The following BSN variants were observed in gnomAD, a reference collection of about 807,000 sequenced individuals.
BSN encodes protein bassoon.
BSN carries 57 observed loss-of-function variants against 264.8 expected under a neutral mutation model. That is an observed-to-expected ratio of 0.22 (90% CI 0.17 to 0.27). BSN has a LOEUF of 0.27. BSN is among the 10% of genes least tolerant of loss of function. The probability of loss-of-function intolerance (pLI) is 1.00; values close to 1 mark genes in which losing one functional copy is unlikely to be tolerated. For synonymous variants in BSN, 2,059 were observed against 2,137.3 expected (o/e 0.96, Z 1.01); for missense variants, 4,615 against 5,232.5 (o/e 0.88, Z 3.64).
intron 2 of BSN, among the ~76,000 whole-genome samples, chr3:49,630,435 A>G (rs1241860423): frequency 2.6e-5 from 4 of 152,218 alleles, no homozygotes; most frequent in Non-Finnish European, 4.4e-5. Flanking sequence ...CCAAGTCAAT[A>G]GAGAAATACT....
intron 1 of BSN, among the ~76,000 whole-genome samples, chr3:49,571,269 C>T (rs1482871253): frequency 6.6e-6 from 1 of 152,042 alleles, no homozygotes; most frequent in Non-Finnish European, 1.5e-5. Flanking sequence ...CATCCCACAG[C>T]AAGTCAGGGG....
intron 1 of BSN, among the ~76,000 whole-genome samples, chr3:49,620,001 G>A (rs2052292043): frequency 6.6e-6 from 1 of 152,042 alleles, no homozygotes; most frequent in African/African-American, 2.4e-5. Flanking sequence ...TTAATGCAGG[G>A]ATCCCAAAGG....
Position 49,652,159 on chromosome 3 carries a change from G to T in BSN, c.2603G>T (p.Gly868Val). The T allele has an allele frequency of 6.2e-7, 1 of 1,614,032 alleles. No individual in the cohort carries two copies. Among genetic ancestry groups the T allele is most frequent in the Non-Finnish European group, 8.5e-7 (1 of 1,179,954 alleles). The change falls in exon 5 of 12, where the codon GGC becomes GTC. Residue 868 changes from glycine to valine, a missense_variant. Transcript: ENST00000296452. ...GATGACACTGCCACCTCCGGGCGTG[G>T]CCTGGCCAAACATGGCACCCAGAAA... The part of the protein sequence containing the change: ...EEDDTATSGR[G>V]LAKHGTQKGG...
rs755190358 is a variant in BSN at position 49,656,544 on chromosome 3, C to T, written c.6988C>T (p.Pro2330Ser). 1 of 1,566,770 alleles carries T rather than the reference C, an allele frequency of 6.4e-7. No individual in the cohort carries two copies. The highest frequency in any genetic ancestry group is 2.3e-5 in the East Asian group (1 of 44,200). ...GGCTGCAGGAGCCCCAGCTCCTGCC[C>T]CACTAGCTGGCCAGAAGCCACCAGC... is the stretch of plus-strand genomic sequence containing the variant. ...KEAAGAPAPA[P>S]LAGQKPPADA... Residue 2330 changes from proline to serine, a missense_variant, in exon 5 of 12, where the codon CCA becomes TCA. Physicochemically the swap from Pro to Ser is moderately conservative, Grantham distance 74 (BLOSUM62 -1). This residue lies in a region of BSN where 3,415 missense variants were observed against 3,866.4 expected (regional missense o/e 0.88). Coordinates refer to ENST00000296452, the MANE Select transcript of BSN (RefSeq NM_003458.4).
At chr3:49,621,185 T>C (rs1056091648) in intron 1 of BSN, among the ~76,000 whole-genome samples, 4 of 152,172 alleles carry the variant, frequency 2.6e-5, no homozygotes, top group African/African-American at 9.7e-5. Context: ...AGGGCATCTC[T>C]GTGAAGATGT....
At chr3:49,605,580 T>TTTATATATAATATATATTATATATTA (rs2052120458) in intron 1 of BSN, among the ~76,000 whole-genome samples, 56 of 1,392 alleles carry the variant, frequency 0.04, 15 homozygotes, top group South Asian at 0.33. Flanking sequence ...ATTATATATA[T>TTTATATATAATATATATTATATATTA]TATATATTTA....
chr3:49,601,489 T>C (rs1293330043), intron 1 of BSN, among the ~76,000 whole-genome samples: 1 of 152,176 alleles, frequency 6.6e-6, no homozygotes, highest in Non-Finnish European at 1.5e-5. Context: ...TTCTTTGAGG[T>C]TCGTCTTCTG....
rs764691704 is a variant in BSN, at chr3:49,663,252, G to A, written c.11094G>A (p.Gly3698=). The change falls in exon 7 of 12, where the codon GGG becomes GGA. Residue 3698 remains glycine (G), a synonymous_variant. Transcript: ENST00000296452. ...APAMPKKGQP[G]YPSSAEYSQP... is the part of the protein sequence containing the mutation. ...CTATGCCGAAGAAGGGTCAGCCTGG[G>A]TATCCCAGCTCTGCTGAGTACTCAC... 6.2e-7 allele frequency: 1 copy of A among 1,614,134 alleles called. No individual in the cohort carries two copies. Among genetic ancestry groups the A allele is most frequent in the African/African-American group, 1.3e-5 (1 of 75,074 alleles).
chr3:49,657,442 G>T lies in BSN; in HGVS notation c.7886G>T (p.Arg2629Leu). ...SAEWEQPVRR[R>L]RSRLPRHSDS... ...GAGTGGGAGCAGCCAGTGCGCCGCC[G>T]CAGGTCTCGTCTTCCCCGCCACTCA... The change falls in exon 5 of 12, where the codon CGC becomes CTC. Residue 2629 changes from arginine to leucine, a missense_variant. Coordinates refer to ENST00000296452, the MANE Select transcript of BSN (RefSeq NM_003458.4). 1 of 1,612,840 alleles carries T rather than the reference G, an allele frequency of 6.2e-7. No individual in the cohort carries two copies. The highest frequency in any genetic ancestry group is 8.5e-7 in the Non-Finnish European group (1 of 1,179,858).
chr3:49,567,887 TTA>T (rs2051766025), intron 1 of BSN, among the ~76,000 whole-genome samples: 1 of 152,122 alleles, frequency 6.6e-6, no homozygotes, highest in African/African-American at 2.4e-5. Flanking sequence ...GGCTCATCAA[TTA>T]TATGTTTGAG....
chr3:49,648,521 T>A (rs2052516289), intron 3 of BSN, among the ~76,000 whole-genome samples: 1 of 152,244 alleles, frequency 6.6e-6, no homozygotes, highest in Non-Finnish European at 1.5e-5. Context: ...CTCACAGTCC[T>A]TTCTGACATG....
intron 1 of BSN, among the ~76,000 whole-genome samples, chr3:49,606,133 T>A (rs867345229): frequency 7.1e-5 from 1 of 14,152 alleles, no homozygotes; most frequent in Non-Finnish European, 1.4e-4. Context: ...ATATTATATA[T>A]ACATATATTA....
In BSN at chr3:49,654,466, C is replaced by T; in HGVS notation, c.4910C>T (p.Ala1637Val). 1.2e-6 allele frequency: 2 copies of T among 1,607,942 alleles called. No homozygotes were observed. The highest frequency in any genetic ancestry group is 1.7e-6 in the Non-Finnish European group (2 of 1,177,316). Reference sequence around the variant, plus strand: ...CTATATGGCTGGGGTGCCCTCCCTGCTGAGAACATCTCCCTGTGCCGGATC... The same window carrying T: ...CTATATGGCTGGGGTGCCCTCCCTGTTGAGAACATCTCCCTGTGCCGGATC... The part of the protein sequence containing the change: ...LALYGWGALP[A>V]ENISLCRISS... Residue 1637 changes from alanine to valine, a missense_variant, in exon 5 of 12, where the codon GCT becomes GTT. Around this residue, in one of 3 missense-constraint regions of BSN, gnomAD observed 3,415 missense variants for 3,866.4 expected, o/e 0.88. Coordinates refer to ENST00000296452, the MANE Select transcript of BSN (RefSeq NM_003458.4). This position sits in a 1 kb window ranked among gnomAD's most constrained non-coding sequence, Gnocchi z 4.1.
chr3:49,588,621 AGT>A (rs2051953597), intron 1 of BSN, among the ~76,000 whole-genome samples: 1 of 152,122 alleles, frequency 6.6e-6, no homozygotes, highest in Non-Finnish European at 1.5e-5. Flanking sequence ...TTTGATATGC[AGT>A]GTTTTCATTT....
At chr3:49,597,165 G>A (rs1001748775) in intron 1 of BSN, among the ~76,000 whole-genome samples, 1 of 151,968 alleles carries the variant, frequency 6.6e-6, no homozygotes, top group African/African-American at 2.4e-5. Context: ...ACTTAATGGT[G>A]TCCCACATTT....
rs1213016509 is a variant in BSN at position 49,656,454 on chromosome 3, G to C, written c.6898G>C (p.Glu2300Gln). The change falls in exon 5 of 12, where the codon GAG (glutamate) becomes CAG (glutamine). Residue 2300 changes from glutamate (E) to glutamine (Q), a missense_variant. Physicochemically the swap from Glu to Gln is conservative, Grantham distance 29. Coordinates refer to ENST00000296452, the MANE Select transcript of BSN (RefSeq NM_003458.4). ...APGAGGPSRP[E>Q]MPVGAAREEP... ...TGGGGCTGGGGGCCCTTCAAGGCCAGAGATGCCAGTAGGGGCTGCACGGGA... is the reference window on the plus strand; with the variant it reads ...TGGGGCTGGGGGCCCTTCAAGGCCACAGATGCCAGTAGGGGCTGCACGGGA... The C allele has an allele frequency of 6.3e-7, 1 of 1,596,120 alleles. No homozygotes were observed. The highest frequency in any genetic ancestry group is 1.1e-5 in the South Asian group (1 of 89,200).
In BSN at chr3:49,656,221, G is replaced by A. The variant is rs750087312; in HGVS notation, c.6665G>A (p.Gly2222Asp). ...PASVLRPMVR[G>D]GMYRPYASGG... The stretch of plus-strand genomic sequence containing the variant: ...TCAGTCCTGCGGCCCATGGTGCGTG[G>A]TGGCATGTACAGGCCTTACGCATCT... Residue 2222 changes from glycine to aspartate, a missense_variant, in exon 5 of 12, where the codon GGT becomes GAT. Physicochemically the swap from Gly to Asp is moderately conservative, Grantham distance 94. Coordinates refer to ENST00000296452, the MANE Select transcript of BSN (RefSeq NM_003458.4). The A allele has an allele frequency of 2.5e-6, 4 of 1,610,588 alleles. No homozygotes were observed. Among genetic ancestry groups the A allele is most frequent in the East Asian group, 4.5e-5 (2 of 44,872 alleles).
At position 49,663,770 on chromosome 3, in the gene BSN, T is replaced by C. The variant is rs368508311; in HGVS notation, c.11509-17T>C. The C allele has an allele frequency of 1.0e-4, 165 of 1,613,778 alleles. No individual in the cohort carries two copies. Among genetic ancestry groups the C allele is most frequent in the Non-Finnish European group, 1.4e-4 (162 of 1,179,872 alleles). ...CTGGGCATGGGCAGAATCTTAGCTA[T>C]AGGTTCTGTGTTGCAGCCACGGGCA... On this transcript the variant is annotated splice_polypyrimidine_tract_variant and intron_variant, in intron 7 of 11. Coordinates refer to ENST00000296452, the MANE Select transcript of BSN (RefSeq NM_003458.4).
chr3:49,651,352 G>T lies in BSN; in HGVS notation c.1987-191G>T. 1 of 673,342 alleles carries T rather than the reference G, an allele frequency of 1.5e-6. No homozygotes were observed. The highest frequency in any genetic ancestry group is 2.8e-5 in the East Asian group (1 of 35,524). 41.7% of individuals were successfully genotyped at this position (673,342 alleles called of 1,614,324 possible). On this transcript the variant is annotated intron_variant, in intron 4 of 11. Coordinates refer to ENST00000296452, the MANE Select transcript of BSN (RefSeq NM_003458.4). This position sits in a 1 kb window ranked among gnomAD's most constrained non-coding sequence, Gnocchi z 5.4. The stretch of plus-strand genomic sequence containing the variant: ...AGTAAAGTTTCTCTTTGAAGACCAA[G>T]GGCTGGTTTGGGCTTGCCATGGAAC...
Sources: gnomAD v4.1 joint callset for allele counts (sites outside exome capture counted in the v4.1 genomes callset) on GRCh38, gnomAD v4.1.1 for gene constraint, gnomAD v4.1.1 regional missense constraint, Gnocchi (gnomAD v3.1) non-coding constraint, MANE v1.5 for transcripts, NCBI Gene and HGNC (gene_info 2026-07-23, HGNC 2026-07-21) for gene names.